The following KYNU variants were observed in gnomAD, a reference collection of about 807,000 sequenced individuals.
KYNU encodes L-kynurenine hydrolase.
In KYNU, 54 loss-of-function variants were observed where a neutral mutation model predicts 59.2. The observed-to-expected ratio is 0.91, with a 90% CI of 0.73 to 1.14. KYNU has a LOEUF of 1.14. Among genes scored for constraint, KYNU ranks in the 50% most tolerant of loss-of-function variants. The pLI is 0.00. For missense variants in KYNU, 567 were observed against 554.4 expected (o/e 1.02, Z -0.23); for synonymous variants, 177 against 192.0 (o/e 0.92, Z 0.65).
chr2:142,951,431 TAGA>T (rs980663084), intron 4 of KYNU, among the ~76,000 whole-genome samples: 3 of 152,240 alleles, frequency 2.0e-5, no homozygotes, highest in Admixed American at 2.0e-4. Flanking sequence ...GTAACAGAGG[TAGA>T]AGGATTGTTT....
intron 10 of KYNU, among the ~76,000 whole-genome samples, chr2:143,013,780 A>G (rs915116630): frequency 6.6e-6 from 1 of 152,186 alleles, no homozygotes; most frequent in Admixed American, 6.5e-5. Context: ...GCAAAGGTAG[A>G]TGATATACAG....
chr2:142,988,053 T>G (rs1685272717), intron 10 of KYNU, among the ~76,000 whole-genome samples: 1 of 151,810 alleles, frequency 6.6e-6, no homozygotes, highest in Non-Finnish European at 1.5e-5. Flanking sequence ...AAACCTCTTT[T>G]CTTTATAAAT....
At chr2:142,998,452 T>C (rs1685608665) in intron 10 of KYNU, among the ~76,000 whole-genome samples, 1 of 152,228 alleles carries the variant, frequency 6.6e-6, no homozygotes, top group Non-Finnish European at 1.5e-5. Context: ...TCCTAGATTC[T>C]GTGCAATGTA....
intron 2 of KYNU, among the ~76,000 whole-genome samples, chr2:142,887,155 C>T (rs1275968467): frequency 5.4e-5 from 7 of 128,816 alleles, no homozygotes; most frequent in East Asian, 2.3e-4. Context: ...GGGCGACAGT[C>T]CGAGGCTCCA....
chr2:143,006,467 C>T (rs973944321), intron 10 of KYNU, among the ~76,000 whole-genome samples: 27 of 144,542 alleles, frequency 1.9e-4, no homozygotes, highest in Admixed American at 1.4e-3. Context: ...AAGGTGGCAG[C>T]GAGGCTGGGG....
At chr2:142,963,548 G>C (rs1482287936) in intron 8 of KYNU, among the ~76,000 whole-genome samples, 2 of 152,070 alleles carry the variant, frequency 1.3e-5, no homozygotes, top group African/African-American at 4.8e-5. Flanking sequence ...CTAATACAAA[G>C]GGACAAATTC....
intron 4 of KYNU, chr2:142,954,070 A>C (rs1470997795): frequency 6.6e-6 from 1 of 152,126 alleles, no homozygotes; most frequent in Non-Finnish European, 1.5e-5. Context: ...CATGGAAGGT[A>C]TTATTATTGT....
At chr2:142,967,201 A>G (rs1485211031) in intron 8 of KYNU, 1 of 152,120 alleles carries the variant, frequency 6.6e-6, no homozygotes, top group African/African-American at 2.4e-5. Context: ...GGAAGAGCCA[A>G]ATAAGTATTT....
intron 4 of KYNU, among the ~76,000 whole-genome samples, chr2:142,938,540 G>A (rs891943288): frequency 2.6e-5 from 4 of 152,182 alleles, no homozygotes; most frequent in South Asian, 2.1e-4. Flanking sequence ...GCCAAAATGC[G>A]GTGATTAGCA....
chr2:142,948,514 T>A (rs1362235410), intron 4 of KYNU, among the ~76,000 whole-genome samples: 1 of 152,214 alleles, frequency 6.6e-6, no homozygotes, highest in Admixed American at 6.5e-5. Context: ...GGAAGCCTCA[T>A]GACAGTGGCA....
intron 6 of KYNU, 22 bp from the exon 7 acceptor site, chr2:142,957,619 A>G: frequency 6.9e-7 from 1 of 1,459,830 alleles, no homozygotes; most frequent in East Asian, 2.3e-5. Flanking sequence ...GATTTGATAA[A>G]TACATCATCT....
chr2:143,000,675 A>G (rs1685684218), intron 10 of KYNU, among the ~76,000 whole-genome samples: 1 of 152,202 alleles, frequency 6.6e-6, no homozygotes, highest in South Asian at 2.1e-4. Context: ...GGTGAGTGAC[A>G]GTGGTAGGTA....
intron 2 of KYNU, among the ~76,000 whole-genome samples, chr2:142,907,782 T>C: frequency 6.6e-6 from 1 of 152,228 alleles, no homozygotes; most frequent in East Asian, 1.9e-4. Context: ...TACTACCTGA[T>C]TGGTCAGGTG....
rs569350010 is a variant in KYNU, at chr2:142,955,668, C to A, written c.436-535C>A. Among the ~76,000 whole-genome samples the A allele has an allele frequency of 6.2e-4, 95 of 152,104 alleles. 2 individuals are homozygous for A. The Middle Eastern group carries it at 0.01, about 16-fold the overall frequency. On this transcript the variant is annotated intron_variant, in intron 5 of 13. Coordinates refer to ENST00000264170, the MANE Select transcript of KYNU (RefSeq NM_003937.3). The stretch of plus-strand genomic sequence containing the variant: ...AATATGTGAAAATTGCTTTAGTACC[C>A]TGGCCAGTGATCAACACTCAGTTAA...
chr2:143,001,353 C>T (rs945131976), intron 10 of KYNU, among the ~76,000 whole-genome samples: 1 of 152,132 alleles, frequency 6.6e-6, no homozygotes, highest in African/African-American at 2.4e-5. Flanking sequence ...CTGTCTCTCT[C>T]GGGCTTCTAG....
intron 4 of KYNU, among the ~76,000 whole-genome samples, chr2:142,933,233 G>A (rs1683285663): frequency 6.6e-6 from 1 of 152,186 alleles, no homozygotes; most frequent in Non-Finnish European, 1.5e-5. Context: ...AACCTGAAGG[G>A]TGGGTCCTTT....
chr2:142,891,577 C>T (rs1681715578), intron 2 of KYNU, among the ~76,000 whole-genome samples: 1 of 152,184 alleles, frequency 6.6e-6, no homozygotes, highest in South Asian at 2.1e-4. Context: ...TGTTTGGACT[C>T]AGATAAAATT....
intron 3 of KYNU, among the ~76,000 whole-genome samples, chr2:142,926,184 C>T (rs1008279778): frequency 1.3e-5 from 2 of 151,774 alleles, no homozygotes; most frequent in African/African-American, 2.4e-5. Context: ...ATGTAGGTGA[C>T]GGGTTGATGG....
At chr2:142,963,609 C>A (rs182793337) in intron 8 of KYNU, among the ~76,000 whole-genome samples, 13 of 152,288 alleles carry the variant, frequency 8.5e-5, no homozygotes, top group Admixed American at 2.0e-4. Context: ...AAAGCCCTGA[C>A]CTCCTAATAC....
Sources: gnomAD v4.1 joint callset for allele counts (sites outside exome capture counted in the v4.1 genomes callset) on GRCh38, gnomAD v4.1.1 for gene constraint, MANE v1.5 for transcripts, NCBI Gene and HGNC (gene_info 2026-07-23, HGNC 2026-07-21) for gene names.